The following WDR41 variants were observed in gnomAD, a reference collection of about 807,000 sequenced individuals.
WDR41 encodes WD repeat-containing protein 41.
Under a neutral mutation model 69.3 loss-of-function variants are expected in WDR41, and 63 were observed. That is an observed-to-expected ratio of 0.91 (90% CI 0.74 to 1.12). The LOEUF is 1.12. Ranked by LOEUF, WDR41 falls within the 50% of genes most tolerant of loss-of-function variation. The probability of loss-of-function intolerance (pLI) is 0.00; values close to 1 mark genes in which losing one functional copy is unlikely to be tolerated. For missense variants in WDR41, 543 were observed against 534.5 expected, an observed-to-expected ratio of 1.02 and a Z score of -0.16; for synonymous variants, 185 against 192.1, an observed-to-expected ratio of 0.96 and a Z score of 0.31.
chr5:77,466,525 T>G (rs1015463662), intron 2 of WDR41, among the ~76,000 whole-genome samples: 1 of 151,902 alleles, frequency 6.6e-6, no homozygotes, highest in Non-Finnish European at 1.5e-5. Flanking sequence ...ATACATACTT[T>G]TTTTCTAACC....
At chr5:77,605,800 AC>A (rs981338552) in intron 1 of WDR41, among the ~76,000 whole-genome samples, 3 of 151,962 alleles carry the variant, frequency 2.0e-5, no homozygotes, top group African/African-American at 4.8e-5. Flanking sequence ...CTGTCAAATA[AC>A]CCTTTGTGCT....
intron 8 of WDR41, among the ~76,000 whole-genome samples, chr5:77,448,702 T>C (rs1799499689): frequency 6.6e-6 from 1 of 151,962 alleles, no homozygotes; most frequent in South Asian, 2.1e-4. Flanking sequence ...ACCCCGTCTC[T>C]ACTAAAAATA....
chr5:77,542,611 C>T (rs1368055078), intron 1 of WDR41, among the ~76,000 whole-genome samples: 1 of 152,008 alleles, frequency 6.6e-6, no homozygotes, highest in Non-Finnish European at 1.5e-5. Context: ...ACATATAAGA[C>T]AGAGCATGTA....
intron 1 of WDR41, among the ~76,000 whole-genome samples, chr5:77,519,772 A>AT (rs955491318): frequency 1.3e-5 from 2 of 151,638 alleles, no homozygotes; most frequent in African/African-American, 4.8e-5. Flanking sequence ...ATGTACTTAA[A>AT]TTTTTTCATG....
At chr5:77,468,331 C>T (rs1800397596) in intron 2 of WDR41, among the ~76,000 whole-genome samples, 1 of 152,024 alleles carries the variant, frequency 6.6e-6, no homozygotes, top group Non-Finnish European at 1.5e-5. Flanking sequence ...CCAACATTAC[C>T]ATGTGATGCT....
chr5:77,489,321 A>G (rs374397120), intron 2 of WDR41, 136 bp downstream of exon 2: 512 of 484,838 alleles, frequency 1.1e-3, no homozygotes, highest in African/African-American at 9.1e-3. Context: ...GCCAATTTCA[A>G]TTTCTACTAA....
At chr5:77,550,479 C>G (rs998863791) in intron 1 of WDR41, among the ~76,000 whole-genome samples, 5 of 152,078 alleles carry the variant, frequency 3.3e-5, no homozygotes, top group African/African-American at 1.2e-4. Flanking sequence ...AAGTGGCCAA[C>G]AAACATAATG....
chr5:77,473,531 T>C (rs1336226075), intron 2 of WDR41, among the ~76,000 whole-genome samples: 6 of 152,286 alleles, frequency 3.9e-5, no homozygotes, highest in Non-Finnish European at 8.8e-5. Flanking sequence ...GAGAAAATTT[T>C]TGTAATCTAC....
At chr5:77,604,645 A>T (rs1580048182) in intron 1 of WDR41, among the ~76,000 whole-genome samples, 2 of 152,342 alleles carry the variant, frequency 1.3e-5, no homozygotes, top group Admixed American at 1.3e-4. Flanking sequence ...TACTTCTAGA[A>T]ATTATCCAAT....
At chr5:77,530,921 A>G (rs1193606213) in intron 1 of WDR41, among the ~76,000 whole-genome samples, 1 of 151,860 alleles carries the variant, frequency 6.6e-6, no homozygotes, top group Non-Finnish European at 1.5e-5. Context: ...TTAATGGTAC[A>G]AGAACTGGTG....
intron 1 of WDR41, among the ~76,000 whole-genome samples, chr5:77,616,292 C>A (rs1008945639): frequency 6.6e-6 from 1 of 152,086 alleles, no homozygotes; most frequent in Non-Finnish European, 1.5e-5. Context: ...TGCCTGGCAC[C>A]AATGCAATGT....
intron 12 of WDR41, among the ~76,000 whole-genome samples, chr5:77,435,579 C>A (rs1333535376): frequency 1.3e-5 from 2 of 152,178 alleles, no homozygotes; most frequent in African/African-American, 4.8e-5. Flanking sequence ...ATTTTTTGTT[C>A]TTTGGCTATG....
At chr5:77,468,643 G>C (rs1249054950) in intron 2 of WDR41, among the ~76,000 whole-genome samples, 1 of 152,150 alleles carries the variant, frequency 6.6e-6, no homozygotes, top group Non-Finnish European at 1.5e-5. Flanking sequence ...GACATAAAAA[G>C]TATAGTCCAT....
At chr5:77,580,973 TAATAA>T (rs1261157411) in intron 1 of WDR41, among the ~76,000 whole-genome samples, 3 of 150,730 alleles carry the variant, frequency 2.0e-5, no homozygotes, top group African/African-American at 7.3e-5. Flanking sequence ...AATAAATAAA[TAATAA>T]AATAAAATAA....
Position 77,477,453 on chromosome 5 carries a change from A to C in WDR41, c.167+12004T>G, listed in dbSNP as rs1800995662. ...AGCTCTCCTCAGGAAATGTAGAAGA[A>C]TAGAAATTATAACAAACTATCTCTC... is the stretch of plus-strand genomic sequence containing the variant. On this transcript the variant is annotated intron_variant, in intron 2 of 12. Coordinates refer to ENST00000296679, the MANE Select transcript of WDR41 (RefSeq NM_018268.4). Among the ~76,000 whole-genome samples the C allele has an allele frequency of 2.3e-5, 2 of 87,992 alleles. 1 individual carries two copies. The highest frequency in any genetic ancestry group is 7.8e-4 in the South Asian group (2 of 2,576). 57.7% of individuals were successfully genotyped at this position (87,992 alleles called of 152,430 possible).
At chr5:77,588,023 A>G (rs569836539) in intron 1 of WDR41, among the ~76,000 whole-genome samples, 6 of 152,228 alleles carry the variant, frequency 3.9e-5, no homozygotes, top group Non-Finnish European at 8.8e-5. Context: ...ACTTGATGAC[A>G]GAAGCCCTAA....
At chr5:77,593,495 A>G (rs2112310847) in intron 1 of WDR41, among the ~76,000 whole-genome samples, 1 of 152,334 alleles carries the variant, frequency 6.6e-6, no homozygotes, top group East Asian at 1.9e-4. Flanking sequence ...AATCCATATA[A>G]TGGAATATGA....
chr5:77,597,029 G>A (rs376248444), intron 1 of WDR41, among the ~76,000 whole-genome samples: 5 of 152,096 alleles, frequency 3.3e-5, no homozygotes, highest in Non-Finnish European at 5.9e-5. Context: ...GGCTAAAGGC[G>A]GAAGGATGGC....
At chr5:77,562,076 T>C (rs868514235) in intron 1 of WDR41, among the ~76,000 whole-genome samples, 19 of 152,186 alleles carry the variant, frequency 1.2e-4, no homozygotes, top group African/African-American at 4.3e-4. Flanking sequence ...ATCCAATGTG[T>C]TTTGTTTGGA....
Sources: allele counts gnomAD v4.1 joint callset (sites outside exome capture counted in the v4.1 genomes callset), GRCh38; gene constraint gnomAD v4.1.1; transcripts MANE v1.5; gene names NCBI Gene and HGNC (gene_info 2026-07-23, HGNC 2026-07-21).